The following BICD1 variants were observed in gnomAD, a reference collection of about 807,000 sequenced individuals.
The protein encoded by BICD1 is protein bicaudal D homolog 1.
BICD1 carries 35 observed loss-of-function variants against 92.5 expected under a neutral mutation model. That is an observed-to-expected ratio of 0.38 (90% CI 0.29 to 0.50). BICD1 has a LOEUF of 0.50. BICD1 is among the 20% of genes least tolerant of loss of function. BICD1 has a pLI of 0.93. For synonymous variants in BICD1, 429 were observed against 465.1 expected, an observed-to-expected ratio of 0.92 and a Z score of 1.00; for missense variants, 950 against 1,189.8, an observed-to-expected ratio of 0.80 and a Z score of 2.97.
chr12:32,135,079 G>T (rs2608400), intron 1 of BICD1, among the ~76,000 whole-genome samples: 104,603 of 127,720 alleles, frequency 0.82, 41,679 homozygotes, highest in Middle Eastern at 0.9. Context: ...CCCCTTCCCC[G>T]CTCCCCTCCT....
At chr12:32,326,080 CAAAAAAAAAAA>C (rs372956491) in intron 4 of BICD1, among the ~76,000 whole-genome samples, 1 of 66,498 alleles carries the variant, frequency 1.5e-5, no homozygotes, top group African/African-American at 6.2e-5. Context: ...GACTCCATCT[CAAAAAAAAAAA>C]AAAAAAAAAA....
At chr12:32,229,021 G>C (rs112683871) in intron 2 of BICD1, among the ~76,000 whole-genome samples, 3,018 of 152,104 alleles carry the variant, frequency 0.02, 90 homozygotes, top group African/African-American at 0.064. Context: ...AGGCTGAGGC[G>C]AGCGGATTAC....
At chr12:32,317,745 G>C (rs1412271777) in intron 4 of BICD1, among the ~76,000 whole-genome samples, 1 of 152,084 alleles carries the variant, frequency 6.6e-6, no homozygotes, top group East Asian at 1.9e-4. Context: ...TTTGGCTTTT[G>C]TTGCCATTGC....
intron 4 of BICD1, among the ~76,000 whole-genome samples, chr12:32,321,727 G>T (rs1028014962): frequency 6.6e-6 from 1 of 151,970 alleles, no homozygotes; most frequent in African/African-American, 2.4e-5. Context: ...GGCCAGGCCC[G>T]GTGGCTCACG....
chr12:32,354,992 C>T (rs1380618571), intron 8 of BICD1, among the ~76,000 whole-genome samples: 1 of 152,122 alleles, frequency 6.6e-6, no homozygotes. Context: ...TATTTTGATG[C>T]TTCTTTCCAT....
intron 2 of BICD1, among the ~76,000 whole-genome samples, chr12:32,254,720 G>A (rs922117011): frequency 1.3e-5 from 2 of 152,172 alleles, no homozygotes; most frequent in African/African-American, 4.8e-5. Context: ...TTTGGGCCAA[G>A]TCTTCTGGAA....
chr12:32,213,175 C>T (rs1945264914), intron 1 of BICD1, among the ~76,000 whole-genome samples: 1 of 152,328 alleles, frequency 6.6e-6, no homozygotes, highest in East Asian at 1.9e-4. Flanking sequence ...TCCCATACAA[C>T]ACTTACTTGT....
intron 2 of BICD1, among the ~76,000 whole-genome samples, chr12:32,237,038 CTAATTTT>C (rs1478669718): frequency 1.3e-5 from 2 of 152,068 alleles, no homozygotes; most frequent in South Asian, 4.2e-4. Flanking sequence ...CCATACCCGG[CTAATTTT>C]TTTGTATTTT....
intron 9 of BICD1, among the ~76,000 whole-genome samples, chr12:32,373,280 TTATCA>T (rs1311431214): frequency 6.6e-6 from 1 of 152,180 alleles, no homozygotes; most frequent in Non-Finnish European, 1.5e-5. Flanking sequence ...TGATTATAAT[TTATCA>T]AATATTTATA....
At chr12:32,363,044 A>G (rs528887501) in intron 8 of BICD1, among the ~76,000 whole-genome samples, 65 of 152,324 alleles carry the variant, frequency 4.3e-4, no homozygotes, top group African/African-American at 1.5e-3. Flanking sequence ...CTTAAAACAG[A>G]TAACAAATGT....
rs115140041 is a variant in BICD1 at position 32,164,847 on chromosome 12, A to G, written c.214-51400A>G. On this transcript the variant is annotated intron_variant, in intron 1 of 9. Coordinates refer to ENST00000652176, the MANE Select transcript of BICD1 (RefSeq NM_001714.4). ...ATTCAAGAGGTAAAATGGATTTTAGAAGGTCACAGGAGCCAATTGTCAGTG... is the reference window on the plus strand; with the variant it reads ...ATTCAAGAGGTAAAATGGATTTTAGGAGGTCACAGGAGCCAATTGTCAGTG... 4.0e-3 allele frequency among the ~76,000 whole-genome samples: 610 copies of G among 152,308 alleles called. 5 individuals carry two copies. The highest frequency in any genetic ancestry group is 0.014 in the African/African-American group (586 of 41,572).
intron 1 of BICD1, among the ~76,000 whole-genome samples, chr12:32,110,043 A>T (rs1941628776): frequency 6.6e-6 from 1 of 152,256 alleles, no homozygotes; most frequent in Non-Finnish European, 1.5e-5. Flanking sequence ...TTATTTAAAA[A>T]TAATTGAACC....
intron 1 of BICD1, among the ~76,000 whole-genome samples, chr12:32,172,948 C>G (rs113222567): frequency 6.0e-4 from 91 of 152,292 alleles, no homozygotes; most frequent in African/African-American, 2.0e-3. Context: ...ACAACATAAC[C>G]CAACTAATAC....
At chr12:32,358,508 G>C (rs1939203434) in intron 8 of BICD1, among the ~76,000 whole-genome samples, 1 of 151,986 alleles carries the variant, frequency 6.6e-6, no homozygotes, top group African/African-American at 2.4e-5. Flanking sequence ...GGAGGCTGAG[G>C]CAGGCGGATC....
chr12:32,219,803 GT>G (rs1265176551), intron 2 of BICD1, among the ~76,000 whole-genome samples: 3 of 152,024 alleles, frequency 2.0e-5, no homozygotes, highest in East Asian at 1.9e-4. Flanking sequence ...TTGTATATAT[GT>G]TTTTAATGGT....
chr12:32,312,446 T>C (rs546314727), intron 4 of BICD1, among the ~76,000 whole-genome samples: 1 of 152,312 alleles, frequency 6.6e-6, no homozygotes, highest in East Asian at 1.9e-4. Flanking sequence ...CATAACATTT[T>C]ATAAATTATT....
intron 1 of BICD1, among the ~76,000 whole-genome samples, chr12:32,125,378 T>A (rs1942293019): frequency 6.6e-6 from 1 of 152,218 alleles, no homozygotes; most frequent in African/African-American, 2.4e-5. Flanking sequence ...TCCTCTTTTC[T>A]CTCTGTTCCT....
intron 4 of BICD1, among the ~76,000 whole-genome samples, chr12:32,318,474 A>G (rs996166639): frequency 8.5e-5 from 13 of 152,116 alleles, no homozygotes; most frequent in Non-Finnish European, 1.6e-4. Context: ...CTTTGAAGCA[A>G]TTGTGAATGG....
At chr12:32,120,507 T>TA (rs1233272000) in intron 1 of BICD1, among the ~76,000 whole-genome samples, 1 of 152,212 alleles carries the variant, frequency 6.6e-6, no homozygotes, top group Non-Finnish European at 1.5e-5. Flanking sequence ...TGGAATCAAA[T>TA]ACCACTATTG....
Sources: allele counts gnomAD v4.1 joint callset (sites outside exome capture counted in the v4.1 genomes callset), GRCh38; gene constraint gnomAD v4.1.1; transcripts MANE v1.5; gene names NCBI Gene and HGNC (gene_info 2026-07-23, HGNC 2026-07-21).